KAZN: variants seen among roughly 807,000 people sequenced by gnomAD.
KAZN encodes the protein kazrin.
A neutral mutation model predicts 87.4 loss-of-function variants in KAZN; 40 were observed. That is an observed-to-expected ratio of 0.46 (90% confidence interval 0.36 to 0.60). The LOEUF is 0.60. KAZN is among the 20% of genes least tolerant of loss of function. KAZN has a pLI of 0.00. For synonymous variants in KAZN, 466 were observed against 458.3 expected, an observed-to-expected ratio of 1.02 and a Z score of -0.22; for missense variants, 898 against 1,073.9, an observed-to-expected ratio of 0.84 and a Z score of 2.29.
At chr1:14,947,898 AG>A (rs1335318713) in intron 1 of KAZN, among the ~76,000 whole-genome samples, 8 of 152,246 alleles carry the variant, frequency 5.3e-5, no homozygotes, top group African/African-American at 1.9e-4. Flanking sequence ...TGATATGGGC[AG>A]GAAAAGCCTG....
At chr1:14,690,013 C>G (rs527401234) in intron 1 of KAZN, among the ~76,000 whole-genome samples, 1 of 152,242 alleles carries the variant, frequency 6.6e-6, no homozygotes, top group South Asian at 2.1e-4. Context: ...GGTTGGGGTT[C>G]CTAAGCCCTG....
chr1:14,393,140 C>G (rs1662599242), intron 2 of KAZN, among the ~76,000 whole-genome samples: 1 of 152,220 alleles, frequency 6.6e-6, no homozygotes, highest in African/African-American at 2.4e-5. Context: ...TGCAGGCATT[C>G]ATCCTTGTCA....
chr1:14,826,593 C>G (rs1646894332), intron 1 of KAZN, among the ~76,000 whole-genome samples: 1 of 152,220 alleles, frequency 6.6e-6, no homozygotes, highest in Non-Finnish European at 1.5e-5. Flanking sequence ...CGGTCCCGCG[C>G]TGGCCGTTTC....
At chr1:14,915,595 C>T (rs574589025) in intron 1 of KAZN, among the ~76,000 whole-genome samples, 10 of 152,176 alleles carry the variant, frequency 6.6e-5, no homozygotes, top group African/African-American at 7.2e-5. Context: ...CCCTCTGAGT[C>T]CCCCCTCTTT....
chr1:14,938,607 C>T (rs1001636666), intron 1 of KAZN, among the ~76,000 whole-genome samples: 3 of 151,242 alleles, frequency 2.0e-5, no homozygotes, highest in African/African-American at 7.3e-5. Flanking sequence ...CCAAGTCAGA[C>T]AAGTCCAGAG....
At chr1:14,579,826 T>C (rs1034149656) in intron 2 of KAZN, among the ~76,000 whole-genome samples, 6 of 152,148 alleles carry the variant, frequency 3.9e-5, no homozygotes, top group Non-Finnish European at 8.8e-5. Flanking sequence ...TTAGCACTCC[T>C]GTGAAAAGGC....
At chr1:14,513,792 A>G (rs1448826720) in intron 2 of KAZN, among the ~76,000 whole-genome samples, 1 of 152,184 alleles carries the variant, frequency 6.6e-6, no homozygotes, top group African/African-American at 2.4e-5. Context: ...ACAGCAATAA[A>G]AATGGTGGTA....
At chr1:14,405,606 A>ATTG (rs760881462) in intron 2 of KAZN, among the ~76,000 whole-genome samples, 1 of 136,220 alleles carries the variant, frequency 7.3e-6, no homozygotes, top group Non-Finnish European at 1.6e-5. Flanking sequence ...ACCCAATAAA[A>ATTG]TGTGTGTGTG....
intron 2 of KAZN, among the ~76,000 whole-genome samples, chr1:14,538,432 AC>A (rs1347970997): frequency 2.0e-5 from 3 of 152,228 alleles, no homozygotes; most frequent in Admixed American, 6.5e-5. Context: ...GTATTTTCTT[AC>A]AGTTGTGGAG....
At chr1:14,601,955 T>C (rs1166435812) in intron 1 of KAZN, among the ~76,000 whole-genome samples, 3 of 152,232 alleles carry the variant, frequency 2.0e-5, no homozygotes, top group Admixed American at 2.0e-4. Flanking sequence ...AGTCACCTTT[T>C]GCTTCCTCTG....
At chr1:14,714,176 G>C (rs754432560) in intron 1 of KAZN, among the ~76,000 whole-genome samples, 1 of 152,098 alleles carries the variant, frequency 6.6e-6, no homozygotes, top group South Asian at 2.1e-4. Context: ...CATCATACTG[G>C]TTCCATTTTG....
chr1:14,171,351 C>A (rs1645950794), intron 1 of KAZN, among the ~76,000 whole-genome samples: 1 of 151,700 alleles, frequency 6.6e-6, no homozygotes, highest in African/African-American at 2.4e-5. Flanking sequence ...GTTCAACTTA[C>A]TGAGGAACTG....
intron 1 of KAZN, among the ~76,000 whole-genome samples, chr1:14,633,471 G>A (rs547194281): frequency 2.6e-5 from 4 of 152,154 alleles, no homozygotes; most frequent in African/African-American, 4.8e-5. Flanking sequence ...TCTAGAAGCC[G>A]GGAAAGGCAA....
chr1:14,072,970 G>A (rs987323861), intron 1 of KAZN, among the ~76,000 whole-genome samples: 4 of 152,090 alleles, frequency 2.6e-5, no homozygotes, highest in African/African-American at 9.7e-5. Flanking sequence ...TCCCACTGAT[G>A]GGAGTCTTTT....
At chr1:14,319,010 TTTTATTTATTTATTTATTTATTTATTTA>T (rs199695925) in intron 2 of KAZN, among the ~76,000 whole-genome samples, 2 of 136,574 alleles carry the variant, frequency 1.5e-5, no homozygotes, top group African/African-American at 5.6e-5. Flanking sequence ...GACCTTTTAT[TTTTATTTATTTATTTATTTATTTATTTA>T]TTTATTTATT....
intron 1 of KAZN, among the ~76,000 whole-genome samples, chr1:14,628,577 T>A: frequency 6.6e-6 from 1 of 152,230 alleles, no homozygotes; most frequent in East Asian, 1.9e-4. Context: ...TTTATGTGGT[T>A]TAATAGTTCA....
intron 2 of KAZN, among the ~76,000 whole-genome samples, chr1:14,438,670 T>C (rs542949922): frequency 7.4e-4 from 113 of 152,194 alleles, no homozygotes; most frequent in Non-Finnish European, 1.3e-3. Flanking sequence ...GAGAGTGTTG[T>C]GGGCACCTGT....
chr1:14,561,202 G>A (rs1674234088), intron 2 of KAZN, among the ~76,000 whole-genome samples: 1 of 152,170 alleles, frequency 6.6e-6, no homozygotes, highest in Admixed American at 6.5e-5. Flanking sequence ...AACAGCTCAT[G>A]GCTGAATCAG....
At position 14,996,703 on chromosome 1, in the gene KAZN, T is replaced by G. The variant is rs750587002; in HGVS notation, c.418+35828T>G. On this transcript the variant is annotated intron_variant, in intron 2 of 14. Coordinates refer to ENST00000376030, the MANE Select transcript of KAZN (RefSeq NM_201628.3). This position sits in a 1 kb window ranked among gnomAD's most constrained non-coding sequence, Gnocchi z 5.9. ...ATTCTCTACGCACGACCGAGGGCCA[T>G]TCTTCCCTCACTGCCGGCCTCTCCC... Among the ~76,000 whole-genome samples, 2 of 152,164 alleles carry G rather than the reference T, an allele frequency of 1.3e-5. No individual in the cohort carries two copies. Among genetic ancestry groups the G allele is most frequent in the Non-Finnish European group, 2.9e-5 (2 of 68,022 alleles).
Sources: allele counts gnomAD v4.1 joint callset (sites outside exome capture counted in the v4.1 genomes callset), GRCh38; gene constraint gnomAD v4.1.1; non-coding constraint Gnocchi (gnomAD v3.1); transcripts MANE v1.5; gene names NCBI Gene and HGNC (gene_info 2026-07-23, HGNC 2026-07-21).